Variants in DCAF6 observed in about 807,000 individuals in gnomAD.
DCAF6 encodes DDB1- and CUL4-associated factor 6.
In DCAF6, 54 loss-of-function variants were observed where a neutral mutation model predicts 125.1. The ratio of observed to expected loss-of-function variants is 0.43; its 90% CI spans 0.35 to 0.54. DCAF6 has a LOEUF of 0.54. Among genes scored for constraint, DCAF6 ranks in the 20% least tolerant of loss-of-function variants. DCAF6 has a pLI of 0.01. For synonymous variants in DCAF6, 371 were observed against 390.4 expected (o/e 0.95, Z 0.58); for missense variants, 934 against 1,161.7 (o/e 0.80, Z 2.85).
chr1:167,968,956 AT>A (rs1295006271), intron 3 of DCAF6, among the ~76,000 whole-genome samples: 1 of 152,176 alleles, frequency 6.6e-6, no homozygotes, highest in Non-Finnish European at 1.5e-5. Flanking sequence ...AATTTACTTC[AT>A]TAATATTTAG....
At chr1:167,917,127 T>C in the DCAF6 span, 1 of 152,180 alleles carries the variant, frequency 6.6e-6, no homozygotes, top group African/African-American at 2.4e-5. Context: ...ATTAGCACTT[T>C]TAGAAAAAAA....
At chr1:167,957,709 CTG>C (rs1004884371) in intron 2 of DCAF6, among the ~76,000 whole-genome samples, 46 of 152,162 alleles carry the variant, frequency 3.0e-4, no homozygotes, top group African/African-American at 1.1e-3. Context: ...GGTATCAAAA[CTG>C]TTTTCCAAAG....
intron 10 of DCAF6, among the ~76,000 whole-genome samples, chr1:168,012,978 A>T (rs1315473713): frequency 1.3e-5 from 2 of 152,186 alleles, no homozygotes; most frequent in East Asian, 3.8e-4. Context: ...GAGAGGGTTG[A>T]CACTCCAATG....
upstream of DCAF6, chr1:167,936,092 A>T (rs1671173728): frequency 1.8e-6 from 1 of 561,650 alleles, no homozygotes; most frequent in South Asian, 2.0e-5. Flanking sequence ...GGCAGGAGAG[A>T]GGGAGGAGCC....
the DCAF6 span, among the ~76,000 whole-genome samples, chr1:167,875,620 G>T: frequency 6.6e-6 from 1 of 152,166 alleles, no homozygotes; most frequent in African/African-American, 2.4e-5. Context: ...TGCTTTACAT[G>T]CATCATTTTC....
chr1:168,021,586 T>C (rs1232570717), intron 11 of DCAF6, among the ~76,000 whole-genome samples: 1 of 152,190 alleles, frequency 6.6e-6, no homozygotes, highest in Non-Finnish European at 1.5e-5. Context: ...TACTAAAGAT[T>C]TAACTGTTCT....
chr1:168,048,915 A>G (rs529276286), intron 16 of DCAF6, among the ~76,000 whole-genome samples: 1 of 152,344 alleles, frequency 6.6e-6, no homozygotes, highest in East Asian at 1.9e-4. Context: ...TACCTGCTCT[A>G]TAGTAATCAG....
chr1:167,962,922 C>T (rs1382701766), intron 2 of DCAF6, among the ~76,000 whole-genome samples: 7 of 151,966 alleles, frequency 4.6e-5, no homozygotes, highest in East Asian at 3.9e-4. Context: ...CACCACTGCA[C>T]GCCAGCCTGG....
chr1:168,046,148 T>G (rs1175852539), intron 16 of DCAF6, among the ~76,000 whole-genome samples: 9 of 152,212 alleles, frequency 5.9e-5, no homozygotes, highest in African/African-American at 2.2e-4. Context: ...ACCAGCAGTG[T>G]TTTTTCATTC....
At chr1:168,011,162 G>A (rs1346380961) in intron 10 of DCAF6, among the ~76,000 whole-genome samples, 1 of 146,608 alleles carries the variant, frequency 6.8e-6, no homozygotes, top group African/African-American at 2.6e-5. Flanking sequence ...CTGTCACCAG[G>A]CTGGAGTGCA....
chr1:168,043,430 A>T (rs1032986595), intron 14 of DCAF6, among the ~76,000 whole-genome samples: 6 of 152,080 alleles, frequency 3.9e-5, no homozygotes, highest in Non-Finnish European at 7.4e-5. Flanking sequence ...ATTAGTCTTT[A>T]TCATTTTTAT....
chr1:167,866,750 T>TAAAA, the DCAF6 span, among the ~76,000 whole-genome samples: 7 of 123,086 alleles, frequency 5.7e-5, no homozygotes, highest in East Asian at 2.2e-4. Context: ...AAAGTTCACT[T>TAAAA]AAAAAAAAAA....
chr1:167,951,397 A>G (rs969770777), intron 1 of DCAF6, among the ~76,000 whole-genome samples: 4 of 152,148 alleles, frequency 2.6e-5, no homozygotes, highest in Admixed American at 2.0e-4. Context: ...CCACATGATG[A>G]AATCCTGTCT....
At chr1:167,878,190 GT>G in the DCAF6 span, among the ~76,000 whole-genome samples, 1 of 152,084 alleles carries the variant, frequency 6.6e-6, no homozygotes, top group Non-Finnish European at 1.5e-5. Flanking sequence ...AGGATTTTTT[GT>G]TTGGTTTGTA....
chr1:168,009,345 C>CCCTTCCTTCCTTCCTTCCTTCCTCCCTT (rs1557970718), intron 10 of DCAF6, among the ~76,000 whole-genome samples: 105 of 127,934 alleles, frequency 8.2e-4, no homozygotes, highest in Non-Finnish European at 1.2e-3. Context: ...CTTCCTTCCT[C>CCCTTCCTTCCTTCCTTCCTTCCTCCCTT]CCTTCCTTCC....
chr1:167,948,441 G>A (rs903706987), intron 1 of DCAF6, among the ~76,000 whole-genome samples: 1 of 152,106 alleles, frequency 6.6e-6, no homozygotes, highest in Non-Finnish European at 1.5e-5. Context: ...AGTGTAGTAT[G>A]TTCAAGTCAG....
At chr1:168,056,993 A>G (rs1269470398) in intron 17 of DCAF6, among the ~76,000 whole-genome samples, 2 of 152,184 alleles carry the variant, frequency 1.3e-5, no homozygotes, top group African/African-American at 4.8e-5. Flanking sequence ...CTTGTATTCT[A>G]TCCATGGTAC....
the DCAF6 span, among the ~76,000 whole-genome samples, chr1:167,866,508 C>A: frequency 7.5e-6 from 1 of 132,558 alleles, no homozygotes; most frequent in Non-Finnish European, 1.6e-5. Flanking sequence ...CCTGACCTGA[C>A]GAAAGTGCAC....
At chr1:168,032,211 A>G (rs1310293484) in intron 12 of DCAF6, among the ~76,000 whole-genome samples, 1 of 152,228 alleles carries the variant, frequency 6.6e-6, no homozygotes, top group Non-Finnish European at 1.5e-5. Flanking sequence ...TTTGGCTTGC[A>G]TAGTATCACT....
Sources: gnomAD v4.1 joint callset for allele counts (sites outside exome capture counted in the v4.1 genomes callset) on GRCh38, gnomAD v4.1.1 for gene constraint, MANE v1.5 for transcripts, NCBI Gene and HGNC (gene_info 2026-07-23, HGNC 2026-07-21) for gene names.